Variants in LMO7 observed in about 807,000 individuals in gnomAD.
LMO7 encodes LIM domain only protein 7.
Under a neutral mutation model 206.5 loss-of-function variants are expected in LMO7, and 120 were observed. The observed-to-expected ratio is 0.58, with a 90% CI of 0.50 to 0.68. The LOEUF is 0.68. Among genes scored for constraint, LMO7 ranks in the 30% least tolerant of loss-of-function variants. The pLI, the probability that LMO7 is intolerant of heterozygous loss-of-function variation, is 0.00. For synonymous variants in LMO7, 706 were observed against 681.5 expected (o/e 1.04, Z -0.56); for missense variants, 1,959 against 1,957.9 (o/e 1.00, Z -0.01).
intron 1 of LMO7, among the ~76,000 whole-genome samples, chr13:75,623,010 C>A (rs571169246): frequency 6.6e-6 from 1 of 152,194 alleles, no homozygotes; most frequent in African/African-American, 2.4e-5. Flanking sequence ...GAAATTCCTG[C>A]AAACCACTAG....
At chr13:75,643,765 A>C (rs952083278) in intron 1 of LMO7, among the ~76,000 whole-genome samples, 4 of 152,236 alleles carry the variant, frequency 2.6e-5, no homozygotes, top group Non-Finnish European at 5.9e-5. Context: ...TTGCTTAAAG[A>C]GATGGACAAT....
intron 1 of LMO7, among the ~76,000 whole-genome samples, chr13:75,667,312 A>G (rs563663375): frequency 1.3e-5 from 2 of 152,044 alleles, no homozygotes; most frequent in African/African-American, 4.8e-5. Context: ...GTTTTCCTCC[A>G]TTGTGGAGGA....
At chr13:75,846,673 G>A (rs117055721) in intron 26 of LMO7, among the ~76,000 whole-genome samples, 1,684 of 152,142 alleles carry the variant, frequency 0.011, 20 homozygotes, top group Non-Finnish European at 0.016. Flanking sequence ...GTCATTAATC[G>A]GATTATTTTG....
intron 25 of LMO7, among the ~76,000 whole-genome samples, chr13:75,844,809 G>A (rs867039103): frequency 3.9e-5 from 6 of 152,272 alleles, no homozygotes; most frequent in South Asian, 2.1e-4. Context: ...AACTTAAGGC[G>A]TTTCCAGAAG....
chr13:75,629,908 G>C (rs12427931), intron 2 of LMO7, among the ~76,000 whole-genome samples: 24,413 of 152,104 alleles, frequency 0.16, 2,397 homozygotes, highest in Admixed American at 0.29. Context: ...GGAAAGGCAG[G>C]AGGGGATTGA....
At chr13:75,844,802 T>C (rs1326186064) in intron 25 of LMO7, among the ~76,000 whole-genome samples, 5 of 152,198 alleles carry the variant, frequency 3.3e-5, no homozygotes, top group Non-Finnish European at 7.3e-5. Context: ...TGGTACAAAC[T>C]TAAGGCGTTT....
intron 1 of LMO7, among the ~76,000 whole-genome samples, chr13:75,652,820 T>C (rs2037714680): frequency 6.6e-6 from 1 of 152,094 alleles, no homozygotes; most frequent in Non-Finnish European, 1.5e-5. Context: ...CTTATATAAA[T>C]CATAAATCCA....
intron 28 of LMO7, 41 bp downstream of exon 28, chr13:75,853,429 G>C: frequency 1.3e-6 from 2 of 1,494,232 alleles, no homozygotes; most frequent in Non-Finnish European, 1.8e-6. Flanking sequence ...TTAGTCTTGG[G>C]TATTTTTTCA....
At chr13:75,731,865 AT>A (rs1266114570) in intron 3 of LMO7, among the ~76,000 whole-genome samples, 12 of 151,842 alleles carry the variant, frequency 7.9e-5, no homozygotes, top group Admixed American at 5.2e-4. Context: ...TCTGTAAAGT[AT>A]TTTATTTCTC....
intron 4 of LMO7, among the ~76,000 whole-genome samples, chr13:75,785,389 A>G (rs2052261227): frequency 6.6e-6 from 1 of 152,158 alleles, no homozygotes; most frequent in Non-Finnish European, 1.5e-5. Context: ...TGTCAAAATC[A>G]TTGCATTGTT....
chr13:75,826,317 C>A (rs2058109716), intron 15 of LMO7, among the ~76,000 whole-genome samples: 1 of 152,174 alleles, frequency 6.6e-6, no homozygotes, highest in Non-Finnish European at 1.5e-5. Flanking sequence ...GCTGGGATTA[C>A]AGGTGTGAGC....
intron 3 of LMO7, among the ~76,000 whole-genome samples, chr13:75,729,774 T>C (rs2044930481): frequency 6.6e-6 from 1 of 151,586 alleles, no homozygotes; most frequent in East Asian, 1.9e-4. Context: ...TTGTCATAGA[T>C]AGCTCTTATT....
intron 2 of LMO7, among the ~76,000 whole-genome samples, chr13:75,626,478 C>T (rs1183610519): frequency 6.6e-6 from 1 of 150,490 alleles, no homozygotes; most frequent in African/African-American, 2.5e-5. Flanking sequence ...CCCCCTGGGT[C>T]CCTCCCAGAA....
At position 75,840,117 on chromosome 13, in the gene LMO7, A is replaced by G; in HGVS notation, c.3477+7A>G. ...TGATTCGGTGGTTCCTGATGTAAGT[A>G]GCATTCATTTGTCATTTGGAATAAG... is the stretch of plus-strand genomic sequence containing the variant. On this transcript the variant is annotated splice_region_variant and intron_variant, in intron 21 of 30. Coordinates refer to ENST00000377534, the MANE Select transcript of LMO7 (RefSeq NM_001306080.2). 1 of 1,613,904 alleles carries G rather than the reference A, an allele frequency of 6.2e-7. No individual in the cohort carries two copies. The highest frequency in any genetic ancestry group is 8.5e-7 in the Non-Finnish European group (1 of 1,179,766).
chr13:75,760,552 G>C, intron 3 of LMO7: 1 of 1,302,854 alleles, frequency 7.7e-7, no homozygotes, highest in Non-Finnish European at 9.7e-7. Flanking sequence ...TATTTTTAAA[G>C]AGGAGAGGTG....
chr13:75,697,465 A>G (rs2041986136), intron 1 of LMO7, among the ~76,000 whole-genome samples: 1 of 152,134 alleles, frequency 6.6e-6, no homozygotes, highest in South Asian at 2.1e-4. Context: ...AAACCATCAG[A>G]TCTCATGAGA....
At chr13:75,845,498 C>A (rs755135356) in intron 26 of LMO7, 119 bp downstream of exon 26, 9 of 591,780 alleles carry the variant, frequency 1.5e-5, no homozygotes, top group Non-Finnish European at 2.4e-5. Context: ...AATTAAAATA[C>A]TTAGTATTTT....
At chr13:75,738,703 A>AT (rs891035737) in intron 3 of LMO7, among the ~76,000 whole-genome samples, 5 of 152,086 alleles carry the variant, frequency 3.3e-5, no homozygotes, top group Admixed American at 2.0e-4. Flanking sequence ...TTTATTTGGG[A>AT]TTTTTTTTAA....
rs1418906124 is a variant in LMO7 at position 75,853,311 on chromosome 13, T to G, written c.4584T>G (p.Gly1528=). The G allele has an allele frequency of 6.2e-7, 1 of 1,614,064 alleles. No homozygotes were observed. Among genetic ancestry groups the G allele is most frequent in the Non-Finnish European group, 8.5e-7 (1 of 1,179,968 alleles). The change falls in exon 28 of 31, where the codon GGT becomes GGG. Residue 1528 remains glycine, a synonymous_variant. Coordinates refer to ENST00000377534, the MANE Select transcript of LMO7 (RefSeq NM_001306080.2). ...GCTCCGTGAAGACCTCCACCACAGGTGTGGCCACCACACAGTCCCCCACCC... is the reference window on the plus strand; with the variant it reads ...GCTCCGTGAAGACCTCCACCACAGGGGTGGCCACCACACAGTCCCCCACCC... The part of the protein sequence containing the change: ...SAGSVKTSTT[G]VATTQSPTPR...
Sources: allele counts gnomAD v4.1 joint callset (sites outside exome capture counted in the v4.1 genomes callset), GRCh38; gene constraint gnomAD v4.1.1; transcripts MANE v1.5; gene names NCBI Gene and HGNC (gene_info 2026-07-23, HGNC 2026-07-21).